Variants in ADGRB3 observed in about 807,000 individuals in gnomAD.
The protein encoded by ADGRB3 is adhesion G protein-coupled receptor B3, also known as brain-specific angiogenesis inhibitor 3.
Under a neutral mutation model 193.4 loss-of-function variants are expected in ADGRB3, and 37 were observed. That is an observed-to-expected ratio of 0.19 (90% confidence interval 0.15 to 0.25). The LOEUF is 0.25. Among genes scored for constraint, ADGRB3 ranks in the 10% least tolerant of loss-of-function variants. The pLI, the probability that ADGRB3 is intolerant of heterozygous loss-of-function variation, is 1.00. For synonymous variants in ADGRB3, 690 were observed against 644.2 expected (o/e 1.07, Z -1.08); for missense variants, 1,637 against 1,852.9 (o/e 0.88, Z 2.14).
At chr6:68,805,347 TA>T (rs1767382389) in intron 3 of ADGRB3, among the ~76,000 whole-genome samples, 2 of 152,366 alleles carry the variant, frequency 1.3e-5, no homozygotes, top group African/African-American at 4.8e-5. Context: ...GAACATTTTA[TA>T]AGTTCTTAAT....
intron 13 of ADGRB3, among the ~76,000 whole-genome samples, chr6:69,030,437 A>C (rs907341670): frequency 6.6e-6 from 1 of 152,190 alleles, no homozygotes; most frequent in Non-Finnish European, 1.5e-5. Flanking sequence ...GTGCAGCCAT[A>C]AAAAAGGATG....
At chr6:68,781,069 A>AC (rs1766843385) in intron 3 of ADGRB3, among the ~76,000 whole-genome samples, 1 of 152,182 alleles carries the variant, frequency 6.6e-6, no homozygotes, top group African/African-American at 2.4e-5. Context: ...TGATAATATA[A>AC]CCTGCAACTG....
In ADGRB3 at chr6:69,200,984, A is replaced by G. The variant is rs1264767558; in HGVS notation, c.2481-32306A>G. ...AAAATAAATTTATTTAATAAGCAAC[A>G]TAAGATGACAGAAATGCTTCACAGA... is the stretch of plus-strand genomic sequence containing the variant. On this transcript the variant is annotated intron_variant, in intron 17 of 31. Transcript: ENST00000370598. 2.6e-5 allele frequency among the ~76,000 whole-genome samples: 4 copies of G among 152,244 alleles called. No homozygotes were observed. The East Asian group carries it at 7.7e-4, about 29-fold the overall frequency.
At chr6:68,956,441 AG>A (rs1768078092) in intron 7 of ADGRB3, among the ~76,000 whole-genome samples, 1 of 152,194 alleles carries the variant, frequency 6.6e-6, no homozygotes, top group Non-Finnish European at 1.5e-5. Context: ...GAGGAAGTTT[AG>A]CACTGAGCTT....
intron 3 of ADGRB3, among the ~76,000 whole-genome samples, chr6:68,689,428 AG>A (rs1561995280): frequency 1.3e-5 from 2 of 152,300 alleles, no homozygotes; most frequent in South Asian, 2.1e-4. Flanking sequence ...AGAGAATGGC[AG>A]ACCGCAAATC....
chr6:69,148,471 C>T (rs147960548), intron 17 of ADGRB3, among the ~76,000 whole-genome samples: 62 of 152,108 alleles, frequency 4.1e-4, no homozygotes, highest in African/African-American at 1.4e-3. Flanking sequence ...TTTATTGTTT[C>T]CATTTCTATC....
intron 11 of ADGRB3, among the ~76,000 whole-genome samples, chr6:69,011,904 T>G (rs185054477): frequency 1.3e-5 from 2 of 152,146 alleles, no homozygotes; most frequent in Admixed American, 1.3e-4. Flanking sequence ...TAATCAATAG[T>G]GAGAACAAAT....
At chr6:68,718,264 T>C (rs1765518903) in intron 3 of ADGRB3, among the ~76,000 whole-genome samples, 1 of 151,878 alleles carries the variant, frequency 6.6e-6, no homozygotes, top group African/African-American at 2.4e-5. Context: ...TGGAGACTTT[T>C]AAGCCCTACG....
At chr6:69,310,009 T>C (rs924642823) in intron 20 of ADGRB3, among the ~76,000 whole-genome samples, 22 of 151,656 alleles carry the variant, frequency 1.5e-4, no homozygotes, top group Non-Finnish European at 2.4e-4. Context: ...GATCTCTCCT[T>C]CTTCCTCTAC....
intron 4 of ADGRB3, among the ~76,000 whole-genome samples, chr6:68,933,829 T>A (rs1767414109): frequency 6.6e-6 from 1 of 152,174 alleles, no homozygotes; most frequent in Non-Finnish European, 1.5e-5. Flanking sequence ...TCAGTAGATT[T>A]CCATCAATCA....
intron 29 of ADGRB3, among the ~76,000 whole-genome samples, chr6:69,363,541 G>A (rs1255468601): frequency 1.3e-5 from 2 of 152,008 alleles, no homozygotes; most frequent in African/African-American, 4.8e-5. Context: ...AGGTTATAGA[G>A]CAAGTGCATA....
intron 3 of ADGRB3, among the ~76,000 whole-genome samples, chr6:68,855,969 A>T (rs147670414): frequency 2.0e-5 from 3 of 152,172 alleles, no homozygotes; most frequent in African/African-American, 4.8e-5. Flanking sequence ...TGGTTGAATC[A>T]TGGGGGTGGG....
intron 3 of ADGRB3, among the ~76,000 whole-genome samples, chr6:68,677,442 A>G (rs1311848089): frequency 2.6e-5 from 4 of 151,502 alleles, no homozygotes; most frequent in Admixed American, 2.0e-4. Flanking sequence ...CTTTCCCCCA[A>G]CTTGAATGTT....
intron 3 of ADGRB3, among the ~76,000 whole-genome samples, chr6:68,880,073 T>C (rs1274580709): frequency 2.0e-5 from 3 of 152,162 alleles, no homozygotes; most frequent in African/African-American, 7.2e-5. Flanking sequence ...CGAGACATGG[T>C]CAGATTGCTT....
intron 17 of ADGRB3, among the ~76,000 whole-genome samples, chr6:69,175,486 C>G (rs137860430): frequency 1.9e-4 from 29 of 152,126 alleles, no homozygotes; most frequent in Non-Finnish European, 2.9e-4. Context: ...CTATTTTGTT[C>G]CATTGGTGTA....
chr6:69,183,885 C>A (rs1765007004), intron 17 of ADGRB3, among the ~76,000 whole-genome samples: 1 of 151,996 alleles, frequency 6.6e-6, no homozygotes, highest in Admixed American at 6.6e-5. Context: ...ATGGACAATG[C>A]AAATAAATTA....
At chr6:68,720,736 GTT>G (rs1374581173) in intron 3 of ADGRB3, among the ~76,000 whole-genome samples, 6 of 151,692 alleles carry the variant, frequency 4.0e-5, no homozygotes, top group African/African-American at 1.5e-4. Context: ...TCTTCCCACG[GTT>G]ACCATAAGAA....
chr6:68,731,990 A>C (rs1489724822), intron 3 of ADGRB3, among the ~76,000 whole-genome samples: 1 of 151,704 alleles, frequency 6.6e-6, no homozygotes, highest in Non-Finnish European at 1.5e-5. Context: ...AGAAATGTGC[A>C]GTAGTACCTG....
chr6:69,027,850 A>G (rs978352024), intron 13 of ADGRB3, among the ~76,000 whole-genome samples: 5 of 152,226 alleles, frequency 3.3e-5, no homozygotes, highest in African/African-American at 1.2e-4. Flanking sequence ...AAGGAAATAT[A>G]TCCACTGCAT....
Sources: gnomAD v4.1 joint callset for allele counts (sites outside exome capture counted in the v4.1 genomes callset) on GRCh38, gnomAD v4.1.1 for gene constraint, MANE v1.5 for transcripts, NCBI Gene and HGNC (gene_info 2026-07-23, HGNC 2026-07-21) for gene names.